The following CSMD1 variants were observed in gnomAD, a reference collection of about 807,000 sequenced individuals.
CSMD1 encodes the protein CUB and Sushi multiple domains 1, also known as CUB and sushi domain-containing protein 1.
Under a neutral mutation model 417.5 loss-of-function variants are expected in CSMD1, and 213 were observed. The observed-to-expected ratio is 0.51, with a 90% CI of 0.46 to 0.57. The LOEUF (loss-of-function observed/expected upper bound fraction) is 0.57. Ranked by LOEUF, CSMD1 falls within the 20% of genes least tolerant of loss-of-function variation. CSMD1 has a pLI of 0.00. For missense variants in CSMD1, 6,923 were observed against 4,529.7 expected (o/e 1.53, Z -15.17); for synonymous variants, 2,862 against 1,736.8 (o/e 1.65, Z -16.11).
chr8:4,065,535 G>A lies in CSMD1; in HGVS notation c.416-33436C>T, dbSNP rs191603690. On this transcript the variant is annotated intron_variant, in intron 3 of 69. Transcript: ENST00000635120. Reference sequence around the variant, plus strand: ...AGTGAAGTTACGGTATCAAGAAACTGTATGTTTCTTGATAGTAGCTAATCT... The same window carrying A: ...AGTGAAGTTACGGTATCAAGAAACTATATGTTTCTTGATAGTAGCTAATCT... Among the ~76,000 whole-genome samples the A allele has an allele frequency of 2.1e-5, 3 of 145,476 alleles. No individual in the cohort carries two copies. The Admixed American group carries it at 2.1e-4, about 10-fold the overall frequency.
At position 3,407,892 on chromosome 8, in the gene CSMD1, T is replaced by C. The variant is rs1812451628; in HGVS notation, c.2071+7A>G. On this transcript the variant is annotated splice_region_variant and intron_variant, in intron 14 of 69. Transcript: ENST00000635120. ...CTTGGATGTGTTGACTGTGTGGGCG[T>C]ACTTACTGGTGTAAGTGATGTTGAA... 1 of 1,595,978 alleles carries C rather than the reference T, an allele frequency of 6.3e-7. No homozygotes were observed. The highest frequency in any genetic ancestry group is 1.1e-5 in the South Asian group (1 of 89,446).
intron 1 of CSMD1, among the ~76,000 whole-genome samples, chr8:4,799,778 ATGTCTCTTTAAAAAAAAAAG>A (rs1441987541): frequency 2.6e-5 from 4 of 152,042 alleles, no homozygotes; most frequent in Non-Finnish European, 2.9e-5. Flanking sequence ...ACGTATAGGA[ATGTCTCTTTAAAAAAAAAAG>A]TGACAATATG....
intron 1 of CSMD1, among the ~76,000 whole-genome samples, chr8:4,860,792 A>C (rs750558735): frequency 6.6e-6 from 1 of 152,098 alleles, no homozygotes; most frequent in Non-Finnish European, 1.5e-5. Flanking sequence ...GATAATACCA[A>C]ATTGCAACTT....
At chr8:3,517,734 C>T (rs1255645220) in intron 10 of CSMD1, among the ~76,000 whole-genome samples, 2 of 152,044 alleles carry the variant, frequency 1.3e-5, no homozygotes, top group Non-Finnish European at 2.9e-5. Flanking sequence ...ACTCATAGGG[C>T]TGAGAGATTA....
chr8:4,463,049 A>T (rs1799933717), intron 2 of CSMD1, among the ~76,000 whole-genome samples: 1 of 152,204 alleles, frequency 6.6e-6, no homozygotes, highest in African/African-American at 2.4e-5. Context: ...TATAAAATAT[A>T]AATAACTTGC....
At chr8:4,179,173 A>T (rs1798218008) in intron 3 of CSMD1, among the ~76,000 whole-genome samples, 1 of 152,200 alleles carries the variant, frequency 6.6e-6, no homozygotes, top group East Asian at 1.9e-4. Context: ...CCTGACTTCA[A>T]ACTATACTAC....
chr8:3,431,165 C>T (rs940249420), intron 12 of CSMD1, among the ~76,000 whole-genome samples: 1 of 152,148 alleles, frequency 6.6e-6, no homozygotes, highest in Non-Finnish European at 1.5e-5. Flanking sequence ...TATGGACTCT[C>T]TATGGAAGAG....
At chr8:3,554,167 CAAG>C (rs1212746794) in intron 10 of CSMD1, among the ~76,000 whole-genome samples, 12 of 152,088 alleles carry the variant, frequency 7.9e-5, no homozygotes, top group Admixed American at 2.0e-4. Flanking sequence ...AGAAGGTAGA[CAAG>C]AAGAAGTTTT....
At chr8:4,052,526 G>A (rs534402955) in intron 3 of CSMD1, among the ~76,000 whole-genome samples, 1 of 152,172 alleles carries the variant, frequency 6.6e-6, no homozygotes, top group African/African-American at 2.4e-5. Flanking sequence ...AATTTAGTTT[G>A]CTAGAACGTC....
intron 5 of CSMD1, among the ~76,000 whole-genome samples, chr8:3,769,967 G>C (rs1798483013): frequency 3.3e-5 from 5 of 152,216 alleles, no homozygotes; most frequent in Admixed American, 3.3e-4. Flanking sequence ...CCTTTGAAAG[G>C]CACTCTGTGA....
intron 26 of CSMD1, among the ~76,000 whole-genome samples, chr8:3,241,872 G>C (rs868217193): frequency 6.6e-6 from 1 of 152,134 alleles, no homozygotes; most frequent in African/African-American, 2.4e-5. Flanking sequence ...CGTTAATTAA[G>C]TCCTGTTGTG....
chr8:4,450,693 A>G (rs1328917224), intron 2 of CSMD1, among the ~76,000 whole-genome samples: 1 of 152,186 alleles, frequency 6.6e-6, no homozygotes, highest in African/African-American at 2.4e-5. Flanking sequence ...TCCAATGTAT[A>G]ACACATCACA....
intron 1 of CSMD1, among the ~76,000 whole-genome samples, chr8:4,675,289 T>A (rs1330683326): frequency 6.6e-6 from 1 of 152,218 alleles, no homozygotes; most frequent in African/African-American, 2.4e-5. Flanking sequence ...GGGGCATTGT[T>A]GGAGCCTAAA....
chr8:3,705,483 C>A (rs778997213), intron 7 of CSMD1, among the ~76,000 whole-genome samples: 5 of 152,200 alleles, frequency 3.3e-5, no homozygotes, highest in African/African-American at 1.2e-4. Flanking sequence ...CTACAGTGAA[C>A]AGATAATTCC....
intron 25 of CSMD1, among the ~76,000 whole-genome samples, chr8:3,295,194 G>T (rs1459331191): frequency 1.3e-5 from 2 of 151,848 alleles, no homozygotes; most frequent in Non-Finnish European, 2.9e-5. Flanking sequence ...GTGTGATCTT[G>T]GCTCACTGGA....
intron 7 of CSMD1, among the ~76,000 whole-genome samples, chr8:3,672,312 G>C (rs527769026): frequency 2.0e-5 from 3 of 151,720 alleles, no homozygotes; most frequent in Non-Finnish European, 4.4e-5. Flanking sequence ...GAATCCTAAG[G>C]TTCTCCCAAT....
At chr8:3,558,717 T>G (rs1026742899) in intron 10 of CSMD1, among the ~76,000 whole-genome samples, 1 of 105,922 alleles carries the variant, frequency 9.4e-6, no homozygotes, top group Non-Finnish European at 2.0e-5. Context: ...TGAATAGTGC[T>G]TCAGTAGTAC....
intron 4 of CSMD1, among the ~76,000 whole-genome samples, chr8:3,999,754 G>C (rs1345888454): frequency 6.6e-6 from 1 of 152,092 alleles, no homozygotes; most frequent in Non-Finnish European, 1.5e-5. Context: ...AGGTACACTT[G>C]GAGGAAAATT....
At chr8:4,916,720 T>G (rs951471269) in intron 1 of CSMD1, among the ~76,000 whole-genome samples, 6 of 152,202 alleles carry the variant, frequency 3.9e-5, no homozygotes, top group Non-Finnish European at 7.3e-5. Flanking sequence ...CCATAACTAT[T>G]GTGATATCGC....
Sources: allele counts gnomAD v4.1 joint callset (sites outside exome capture counted in the v4.1 genomes callset), GRCh38; gene constraint gnomAD v4.1.1; transcripts MANE v1.5; gene names NCBI Gene and HGNC (gene_info 2026-07-23, HGNC 2026-07-21).